CHRM5: variants seen among roughly 807,000 people sequenced by gnomAD.
The protein encoded by CHRM5 is muscarinic acetylcholine receptor M5.
Under a neutral mutation model 39.0 loss-of-function variants are expected in CHRM5, and 18 were observed. The ratio of observed to expected loss-of-function variants is 0.46; its 90% CI spans 0.32 to 0.68. The LOEUF (loss-of-function observed/expected upper bound fraction) is 0.68, where lower values mean the gene tolerates loss of function less well. Ranked by LOEUF, CHRM5 falls within the 30% of genes least tolerant of loss-of-function variation. The pLI is 0.04. For missense variants in CHRM5, 515 were observed against 651.1 expected (o/e 0.79, Z 2.28); for synonymous variants, 241 against 246.3 (o/e 0.98, Z 0.20).
chr15:34,056,804 G>T (rs1368289053), intron 2 of CHRM5, among the ~76,000 whole-genome samples: 1 of 152,062 alleles, frequency 6.6e-6, no homozygotes. Flanking sequence ...ATCACTTGAG[G>T]CCAGGAGTTC....
At chr15:34,002,924 G>C in intron 1 of CHRM5, 3 of 1,062,088 alleles carry the variant, frequency 2.8e-6, no homozygotes, top group Middle Eastern at 2.1e-4. Flanking sequence ...AAAATCCAAA[G>C]AACAAAGGAT....
intron 1 of CHRM5, among the ~76,000 whole-genome samples, chr15:34,030,496 C>A (rs954605191): frequency 2.0e-5 from 3 of 152,062 alleles, no homozygotes; most frequent in Admixed American, 2.0e-4. Flanking sequence ...CAGCTGCCTG[C>A]CACCTCGCCC....
chr15:34,005,813 A>G (rs1897314302), intron 1 of CHRM5, among the ~76,000 whole-genome samples: 2 of 152,192 alleles, frequency 1.3e-5, no homozygotes, highest in African/African-American at 2.4e-5. Flanking sequence ...TTGGCCTTTC[A>G]AGATCACGTT....
At chr15:33,983,976 A>G (rs1896309863) in intron 1 of CHRM5, among the ~76,000 whole-genome samples, 1 of 152,072 alleles carries the variant, frequency 6.6e-6, no homozygotes. Flanking sequence ...ACATTCTACA[A>G]TATGGTCTAC....
intron 1 of CHRM5, chr15:34,003,219 T>A (rs1395743556): frequency 1.2e-6 from 2 of 1,612,280 alleles, no homozygotes; most frequent in Non-Finnish European, 1.7e-6. Context: ...CCTGCAATCA[T>A]TAGAGACAAA....
chr15:34,015,157 G>A (rs1301715735), intron 1 of CHRM5, among the ~76,000 whole-genome samples: 1 of 152,118 alleles, frequency 6.6e-6, no homozygotes, highest in South Asian at 2.1e-4. Context: ...TTATCATAAG[G>A]AAAAAGATAA....
intron 1 of CHRM5, among the ~76,000 whole-genome samples, chr15:33,970,911 G>GTC (rs1895610321): frequency 6.6e-6 from 1 of 151,896 alleles, no homozygotes; most frequent in South Asian, 2.1e-4. Context: ...TTTGGTCCTT[G>GTC]TCAGCATCAA....
At chr15:33,999,653 C>T (rs572711556) in intron 1 of CHRM5, among the ~76,000 whole-genome samples, 18 of 152,244 alleles carry the variant, frequency 1.2e-4, no homozygotes, top group Middle Eastern at 3.4e-3. Context: ...TAGATCTAAC[C>T]CAACCACTTT....
intron 1 of CHRM5, among the ~76,000 whole-genome samples, chr15:33,997,057 C>T (rs1369755577): frequency 3.3e-5 from 5 of 152,030 alleles, no homozygotes; most frequent in African/African-American, 1.2e-4. Flanking sequence ...ATGTAGCAAA[C>T]AATAAAATGT....
intron 2 of CHRM5, among the ~76,000 whole-genome samples, chr15:34,059,910 A>C (rs1490613128): frequency 6.6e-6 from 1 of 152,252 alleles, no homozygotes; most frequent in Non-Finnish European, 1.5e-5. Flanking sequence ...CAGAGACATT[A>C]GCCTATTCCA....
intron 1 of CHRM5, among the ~76,000 whole-genome samples, chr15:33,973,999 A>G (rs1895760805): frequency 6.6e-6 from 1 of 152,244 alleles, no homozygotes; most frequent in Admixed American, 6.5e-5. Flanking sequence ...AAAGTAGTTT[A>G]TACTGAAATA....
intron 1 of CHRM5, among the ~76,000 whole-genome samples, chr15:34,030,530 T>C (rs1898735758): frequency 6.6e-6 from 1 of 152,012 alleles, no homozygotes; most frequent in African/African-American, 2.4e-5. Flanking sequence ...GTATTTTTAG[T>C]AGAGACAGGG....
chr15:34,033,493 G>A lies in CHRM5; in HGVS notation c.-407-13047G>A, dbSNP rs533925007. Among the ~76,000 whole-genome samples, 123 of 148,650 alleles carry A rather than the reference G, an allele frequency of 8.3e-4. 1 individual carries two copies. Among genetic ancestry groups the A allele is most frequent in the African/African-American group, 2.9e-3 (117 of 40,352 alleles). On this transcript the variant is annotated intron_variant, in intron 1 of 2. Coordinates refer to ENST00000383263, the MANE Select transcript of CHRM5 (RefSeq NM_012125.4). ...TGCACTCCAGCCTGGGTAACAGAGCGAGGCTCCGTCTCAAAAAAAAAAAAA... is the reference window on the plus strand; with the variant it reads ...TGCACTCCAGCCTGGGTAACAGAGCAAGGCTCCGTCTCAAAAAAAAAAAAA...
At chr15:34,009,758 T>A (rs1057450915) in intron 1 of CHRM5, among the ~76,000 whole-genome samples, 4 of 151,854 alleles carry the variant, frequency 2.6e-5, no homozygotes, top group African/African-American at 9.7e-5. Context: ...GAGGCCAAGG[T>A]AGGGAGGGTC....
intron 1 of CHRM5, among the ~76,000 whole-genome samples, chr15:34,045,087 G>T (rs1899637115): frequency 6.6e-6 from 1 of 152,110 alleles, no homozygotes; most frequent in Non-Finnish European, 1.5e-5. Context: ...GTAATTTAAT[G>T]ACCTCAGTAA....
chr15:33,996,555 G>A (rs60885608), intron 1 of CHRM5, among the ~76,000 whole-genome samples: 5,569 of 152,274 alleles, frequency 0.037, 350 homozygotes, highest in African/African-American at 0.13. Flanking sequence ...GTGATACCCA[G>A]GCAAACAGGG....
chr15:34,037,109 CAA>C (rs59011779), intron 1 of CHRM5, among the ~76,000 whole-genome samples: 175 of 137,754 alleles, frequency 1.3e-3, no homozygotes, highest in African/African-American at 3.9e-3. Flanking sequence ...AACTCCGTCT[CAA>C]AAAAAAAAAA....
chr15:34,026,675 AT>A (rs1282530998), intron 1 of CHRM5, among the ~76,000 whole-genome samples: 1 of 152,030 alleles, frequency 6.6e-6, no homozygotes, highest in African/African-American at 2.4e-5. Context: ...AGGAAAAAAA[AT>A]GATAGACTAT....
chr15:34,031,629 TCTC>T (rs1023972012), intron 1 of CHRM5, among the ~76,000 whole-genome samples: 14 of 152,308 alleles, frequency 9.2e-5, no homozygotes, highest in African/African-American at 3.1e-4. Context: ...ATTCCATTAA[TCTC>T]CTATTTTTTT....
Sources: allele counts gnomAD v4.1 joint callset (sites outside exome capture counted in the v4.1 genomes callset), GRCh38; gene constraint gnomAD v4.1.1; transcripts MANE v1.5; gene names NCBI Gene and HGNC (gene_info 2026-07-23, HGNC 2026-07-21).